PDE4D: variants seen among roughly 807,000 people sequenced by gnomAD.
The protein encoded by PDE4D is 3',5'-cyclic-AMP phosphodiesterase 4D.
Under a neutral mutation model 87.4 loss-of-function variants are expected in PDE4D, and 24 were observed. That is an observed-to-expected ratio of 0.27 (90% CI 0.20 to 0.39). PDE4D has a LOEUF of 0.39. Among genes scored for constraint, PDE4D ranks in the 10% least tolerant of loss-of-function variants. PDE4D has a pLI of 1.00. For missense variants in PDE4D, 714 were observed against 1,041.0 expected (o/e 0.69, Z 4.32); for synonymous variants, 384 against 383.2 (o/e 1.00, Z -0.02).
intron 2 of PDE4D, among the ~76,000 whole-genome samples, chr5:60,097,569 A>G (rs2149324025): frequency 6.6e-6 from 1 of 152,152 alleles, no homozygotes. Context: ...GATATTCTCT[A>G]TTTGAGTATC....
chr5:60,059,140 T>G (rs1771126421), intron 2 of PDE4D, among the ~76,000 whole-genome samples: 1 of 151,548 alleles, frequency 6.6e-6, no homozygotes, highest in Non-Finnish European at 1.5e-5. Flanking sequence ...CATGATATAA[T>G]GTAATTGGCA....
At chr5:59,626,680 T>TA (rs976665867) in intron 1 of PDE4D, among the ~76,000 whole-genome samples, 13 of 152,286 alleles carry the variant, frequency 8.5e-5, no homozygotes, top group Admixed American at 3.3e-4. Flanking sequence ...CTTTCAGTGG[T>TA]AAAAAAATCA....
chr5:59,616,926 T>TAGA (rs2150092241), intron 1 of PDE4D, among the ~76,000 whole-genome samples: 1 of 121,282 alleles, frequency 8.2e-6, no homozygotes, highest in Admixed American at 8.0e-5. Context: ...TACATATATA[T>TAGA]ATATATATAT....
intron 1 of PDE4D, among the ~76,000 whole-genome samples, chr5:59,302,033 A>G (rs561013506): frequency 6.6e-6 from 1 of 151,878 alleles, no homozygotes; most frequent in East Asian, 1.9e-4. Context: ...ATGCTCAAGA[A>G]GGGGCAAAAC....
rs113397404 is a variant in PDE4D, at chr5:59,402,523, A to G, written c.456-186555T>C. Among the ~76,000 whole-genome samples, 1,109 of 152,282 alleles carry G rather than the reference A, an allele frequency of 7.3e-3. 10 individuals are homozygous for G. Among genetic ancestry groups the G allele is most frequent in the Non-Finnish European group, 0.012 (789 of 68,016 alleles). On this transcript the variant is annotated intron_variant, in intron 1 of 14. Coordinates refer to ENST00000340635, the MANE Select transcript of PDE4D (RefSeq NM_001104631.2). ...AGTCCCTACTCTACAGTTAGTGACCATGTTAAACCTATCAAAGATTAAAGG... is the reference window on the plus strand; with the variant it reads ...AGTCCCTACTCTACAGTTAGTGACCGTGTTAAACCTATCAAAGATTAAAGG...
chr5:59,655,519 A>T (rs1180205516), intron 1 of PDE4D, among the ~76,000 whole-genome samples: 1 of 152,224 alleles, frequency 6.6e-6, no homozygotes, highest in Non-Finnish European at 1.5e-5. Flanking sequence ...TTTACAACTT[A>T]TCAGTAACTC....
At chr5:60,415,023 C>T (rs1476456047) in intron 1 of PDE4D, among the ~76,000 whole-genome samples, 1 of 152,228 alleles carries the variant, frequency 6.6e-6, no homozygotes, top group Non-Finnish European at 1.5e-5. Flanking sequence ...TACCTTGTCA[C>T]ATGGTAGGAA....
intron 5 of PDE4D, among the ~76,000 whole-genome samples, chr5:59,095,794 G>A (rs935099095): frequency 6.6e-6 from 1 of 152,076 alleles, no homozygotes; most frequent in African/African-American, 2.4e-5. Flanking sequence ...CAACAAATAT[G>A]AAATAATTAT....
chr5:59,016,131 G>C (rs1441556274), intron 6 of PDE4D, among the ~76,000 whole-genome samples: 2 of 152,136 alleles, frequency 1.3e-5, no homozygotes, highest in African/African-American at 4.8e-5. Context: ...CCTGTTGTGG[G>C]GTGAGGGGAG....
intron 1 of PDE4D, among the ~76,000 whole-genome samples, chr5:60,202,040 A>G (rs892713026): frequency 1.3e-5 from 2 of 152,246 alleles, no homozygotes; most frequent in Non-Finnish European, 2.9e-5. Context: ...AAAGGAAGCT[A>G]TGGAAATACT....
At chr5:59,239,900 G>A (rs189485788) in intron 1 of PDE4D, among the ~76,000 whole-genome samples, 2 of 152,310 alleles carry the variant, frequency 1.3e-5, no homozygotes, top group African/African-American at 4.8e-5. Context: ...TAATGAATGT[G>A]AAAGCACCTA....
intron 1 of PDE4D, among the ~76,000 whole-genome samples, chr5:60,344,047 T>A (rs1758533645): frequency 6.6e-6 from 1 of 151,858 alleles, no homozygotes; most frequent in Non-Finnish European, 1.5e-5. Context: ...GATTACAGAG[T>A]TATAAACTGG....
At chr5:59,965,687 T>G (rs1759964211) in intron 3 of PDE4D, among the ~76,000 whole-genome samples, 1 of 152,172 alleles carries the variant, frequency 6.6e-6, no homozygotes, top group African/African-American at 2.4e-5. Flanking sequence ...TTTTAATACT[T>G]TACAAGCTTA....
chr5:60,039,651 C>T (rs1029622383), intron 2 of PDE4D, among the ~76,000 whole-genome samples: 4 of 151,060 alleles, frequency 2.6e-5, no homozygotes, highest in African/African-American at 9.7e-5. Context: ...TTCTTAGGAC[C>T]CAACTACATC....
chr5:59,795,462 T>A (rs893562584), intron 1 of PDE4D, among the ~76,000 whole-genome samples: 5 of 152,146 alleles, frequency 3.3e-5, no homozygotes, highest in African/African-American at 1.2e-4. Context: ...AGTAGAAGGA[T>A]GAAGCCAACT....
At chr5:59,974,643 G>T in intron 3 of PDE4D, among the ~76,000 whole-genome samples, 1 of 152,100 alleles carries the variant, frequency 6.6e-6, no homozygotes, top group East Asian at 1.9e-4. Flanking sequence ...TTGTTCCCTG[G>T]TTTAACACCC....
At chr5:59,947,745 A>T (rs770068314) in intron 3 of PDE4D, among the ~76,000 whole-genome samples, 2 of 152,248 alleles carry the variant, frequency 1.3e-5, no homozygotes, top group Non-Finnish European at 2.9e-5. Context: ...ACGGTGGCCC[A>T]TGCCTGTAAT....
At chr5:59,869,827 C>T (rs1193168323) in intron 1 of PDE4D, among the ~76,000 whole-genome samples, 2 of 152,114 alleles carry the variant, frequency 1.3e-5, no homozygotes, top group African/African-American at 4.8e-5. Context: ...GGATTATTAC[C>T]TAAGATATCT....
chr5:59,627,765 TTGG>T (rs1831065790), intron 1 of PDE4D, among the ~76,000 whole-genome samples: 1 of 152,192 alleles, frequency 6.6e-6, no homozygotes, highest in South Asian at 2.1e-4. Flanking sequence ...TTGCTAGCCT[TTGG>T]TTACTTCCTG....
Sources: gnomAD v4.1 joint callset for allele counts (sites outside exome capture counted in the v4.1 genomes callset) on GRCh38, gnomAD v4.1.1 for gene constraint, MANE v1.5 for transcripts, NCBI Gene and HGNC (gene_info 2026-07-23, HGNC 2026-07-21) for gene names.